The following SEC24B variants were observed in gnomAD, a reference collection of about 807,000 sequenced individuals.
SEC24B encodes the protein SEC24 homolog B, COPII component.
SEC24B carries 45 observed loss-of-function variants against 142.8 expected under a neutral mutation model. That is an observed-to-expected ratio of 0.32 (90% CI 0.25 to 0.40). The LOEUF (loss-of-function observed/expected upper bound fraction) is 0.40, where lower values mean the gene tolerates loss of function less well. Ranked by LOEUF, SEC24B falls within the 10% of genes least tolerant of loss-of-function variation. SEC24B has a pLI of 1.00. For synonymous variants in SEC24B, 574 were observed against 568.2 expected, an observed-to-expected ratio of 1.01 and a Z score of -0.15; for missense variants, 1,409 against 1,526.8, an observed-to-expected ratio of 0.92 and a Z score of 1.29.
At chr4:109,487,530 A>T (rs949749265) in intron 4 of SEC24B, among the ~76,000 whole-genome samples, 1 of 152,192 alleles carries the variant, frequency 6.6e-6, no homozygotes, top group African/African-American at 2.4e-5. Context: ...ATTCACTAAG[A>T]TGGTGGGGAA....
chr4:109,501,392 C>T (rs112837352), intron 6 of SEC24B, among the ~76,000 whole-genome samples: 73 of 152,272 alleles, frequency 4.8e-4, no homozygotes, highest in African/African-American at 1.7e-3. Context: ...CATCATTAAG[C>T]GACGTGACTA....
At chr4:109,488,709 G>A (rs752250887) in intron 4 of SEC24B, 4 of 166,140 alleles carry the variant, frequency 2.4e-5, no homozygotes, top group Admixed American at 1.3e-4. Flanking sequence ...ACAATCCAAC[G>A]AGGATTCTAA....
chr4:109,482,986 A>ACG (rs1323112726), intron 4 of SEC24B, among the ~76,000 whole-genome samples: 1 of 104,354 alleles, frequency 9.6e-6, no homozygotes, highest in Non-Finnish European at 1.8e-5. Flanking sequence ...ATATACACAC[A>ACG]CACACACACA....
At chr4:109,523,640 A>T (rs34953524) in intron 14 of SEC24B, among the ~76,000 whole-genome samples, 11,815 of 152,232 alleles carry the variant, frequency 0.078, 593 homozygotes, top group Middle Eastern at 0.17. Context: ...TGGCCTTAAC[A>T]TATTTGAGAA....
At chr4:109,467,205 A>G (rs1275248692) in intron 2 of SEC24B, among the ~76,000 whole-genome samples, 1 of 151,198 alleles carries the variant, frequency 6.6e-6, no homozygotes, top group Non-Finnish European at 1.5e-5. Context: ...GGGCGCCTGT[A>G]GTCCCAGCTA....
intron 17 of SEC24B, among the ~76,000 whole-genome samples, chr4:109,526,749 G>C (rs1269368231): frequency 6.6e-6 from 1 of 152,058 alleles, no homozygotes; most frequent in African/African-American, 2.4e-5. Flanking sequence ...TAAGTTTTCT[G>C]GTATTTTACT....
intron 1 of SEC24B, among the ~76,000 whole-genome samples, chr4:109,451,296 C>T (rs1431547744): frequency 6.6e-6 from 1 of 151,830 alleles, no homozygotes; most frequent in Non-Finnish European, 1.5e-5. Context: ...TGGCTTGCTG[C>T]ATCCCTAACC....
chr4:109,473,303 A>C (rs1021455428), intron 3 of SEC24B, 117 bp downstream of exon 3: 7 of 609,026 alleles, frequency 1.1e-5, no homozygotes, highest in Non-Finnish European at 1.8e-5. Context: ...ATATTAACTT[A>C]CAGTGTCTCA....
At chr4:109,449,017 C>G (rs1729773113) in intron 1 of SEC24B, among the ~76,000 whole-genome samples, 1 of 151,092 alleles carries the variant, frequency 6.6e-6, no homozygotes, top group Non-Finnish European at 1.5e-5. Context: ...TTTGAGTTTG[C>G]TGATGCTTTC....
At chr4:109,517,557 T>C in intron 11 of SEC24B, among the ~76,000 whole-genome samples, 1 of 152,202 alleles carries the variant, frequency 6.6e-6, no homozygotes, top group East Asian at 1.9e-4. Context: ...AGCAATATAT[T>C]GTATTCTTGG....
intron 10 of SEC24B, 134 bp from the exon 11 acceptor site, chr4:109,516,394 A>G (rs897658699): frequency 1.0e-5 from 6 of 587,044 alleles, no homozygotes; most frequent in Non-Finnish European, 1.8e-5. Flanking sequence ...TCATGAGCAC[A>G]TATTACAAAA....
chr4:109,490,876 A>G (rs79555954), intron 4 of SEC24B, among the ~76,000 whole-genome samples: 2,335 of 152,268 alleles, frequency 0.015, 42 homozygotes, highest in African/African-American at 0.04. Flanking sequence ...CTCCTCATTT[A>G]TGAATGTCTC....
chr4:109,457,066 A>T (rs1263563891), intron 1 of SEC24B, among the ~76,000 whole-genome samples: 2 of 152,206 alleles, frequency 1.3e-5, no homozygotes, highest in Non-Finnish European at 2.9e-5. Context: ...ACACAGTGAA[A>T]AAGGCAAATA....
In SEC24B at chr4:109,521,420, C is replaced by G. The variant is rs368747974; in HGVS notation, c.2302C>G (p.Leu768Val). Residue 768 changes from leucine to valine, a missense_variant and splice_region_variant, in exon 14 of 24, where the codon CTT becomes GTT. By Grantham distance (32) the Leu-to-Val change is conservative. Transcript: ENST00000265175. ...CAATTTTTGATCTTTGTTTTCTCAG[C>G]TTATAAAAGACTTACTGAATGCATT... ...LLVNLYESKE[L>V]IKDLLNALPN... is the part of the protein sequence containing the mutation. 3.7e-6 allele frequency: 6 copies of G among 1,611,526 alleles called. No homozygotes were observed. The highest frequency in any genetic ancestry group is 3.4e-6 in the Non-Finnish European group (4 of 1,178,062).
intron 11 of SEC24B, 32 bp downstream of exon 11, chr4:109,516,672 T>C (rs772030094): frequency 1.7e-6 from 2 of 1,177,462 alleles, no homozygotes; most frequent in East Asian, 2.5e-5. Flanking sequence ...ACTATACATA[T>C]GTGTATGTTA....
chr4:109,516,717 A>G (rs1265842793), intron 11 of SEC24B, 77 bp downstream of exon 11: 2 of 786,814 alleles, frequency 2.5e-6, no homozygotes, highest in East Asian at 2.9e-5. Flanking sequence ...AAGTGTTCGC[A>G]GTTTGTGGGA....
At chr4:109,451,958 C>T (rs747160713) in intron 1 of SEC24B, among the ~76,000 whole-genome samples, 9 of 151,838 alleles carry the variant, frequency 5.9e-5, no homozygotes, top group Non-Finnish European at 8.8e-5. Flanking sequence ...AGAAAATTTA[C>T]CTATAGTATA....
intron 2 of SEC24B, among the ~76,000 whole-genome samples, chr4:109,470,204 A>G (rs1357836001): frequency 6.6e-6 from 1 of 152,236 alleles, no homozygotes; most frequent in South Asian, 2.1e-4. Flanking sequence ...TAGATTGAAA[A>G]TAACCACATC....
At chr4:109,535,513 G>A (rs140334092) in intron 22 of SEC24B, among the ~76,000 whole-genome samples, 74 of 151,424 alleles carry the variant, frequency 4.9e-4, no homozygotes, top group African/African-American at 1.5e-3. Context: ...CCAAGATTGC[G>A]CCACTGCACT....
Sources: gnomAD v4.1 joint callset for allele counts (sites outside exome capture counted in the v4.1 genomes callset) on GRCh38, gnomAD v4.1.1 for gene constraint, MANE v1.5 for transcripts, NCBI Gene and HGNC (gene_info 2026-07-23, HGNC 2026-07-21) for gene names.